The following GRM7 variants were observed in gnomAD, a reference collection of about 807,000 sequenced individuals.
The protein encoded by GRM7 is metabotropic glutamate receptor 7.
A neutral mutation model predicts 84.5 loss-of-function variants in GRM7; 35 were observed. That is an observed-to-expected ratio of 0.41 (90% CI 0.32 to 0.55). The LOEUF is 0.55. GRM7 is among the 20% of genes least tolerant of loss of function. GRM7 has a pLI of 0.19. For synonymous variants in GRM7, 487 were observed against 455.1 expected (o/e 1.07, Z -0.89); for missense variants, 1,003 against 1,194.6 (o/e 0.84, Z 2.36).
chr3:6,892,827 C>T (rs1288729346), intron 1 of GRM7: 1 of 152,166 alleles, frequency 6.6e-6, no homozygotes, highest in East Asian at 1.9e-4. Flanking sequence ...GAGGCTACAT[C>T]ATTCCTCTCT....
chr3:7,565,087 C>G (rs1241368587), intron 7 of GRM7, among the ~76,000 whole-genome samples: 2 of 152,180 alleles, frequency 1.3e-5, no homozygotes, highest in Non-Finnish European at 2.9e-5. Context: ...AAGCTGCAAA[C>G]ATTCATTATA....
chr3:7,484,513 G>T (rs1001331571), intron 7 of GRM7, among the ~76,000 whole-genome samples: 7 of 152,128 alleles, frequency 4.6e-5, no homozygotes, highest in African/African-American at 1.7e-4. Flanking sequence ...TAAGAACCAT[G>T]GAGTAGAAAT....
chr3:6,959,995 A>G (rs140265482), intron 1 of GRM7, among the ~76,000 whole-genome samples: 2 of 152,324 alleles, frequency 1.3e-5, no homozygotes, highest in African/African-American at 4.8e-5. Flanking sequence ...GGTCAGACTA[A>G]TAGAAGATTA....
At chr3:7,461,753 G>C (rs1274162322) in intron 7 of GRM7, 31 bp downstream of exon 7, 1 of 1,603,544 alleles carries the variant, frequency 6.2e-7, no homozygotes, top group Non-Finnish European at 8.5e-7. Context: ...TTCTTCCCTT[G>C]TTGAGATGAA....
intron 4 of GRM7, among the ~76,000 whole-genome samples, chr3:7,354,720 C>T (rs115658962): frequency 0.016 from 2,410 of 152,210 alleles, 55 homozygotes; most frequent in African/African-American, 0.056. Flanking sequence ...TACCACATGG[C>T]GACTCCAATT....
chr3:6,987,935 C>G (rs1207174747), intron 1 of GRM7, among the ~76,000 whole-genome samples: 23 of 151,304 alleles, frequency 1.5e-4, no homozygotes, highest in Admixed American at 1.5e-3. Context: ...GAGCTAGACT[C>G]TCTGCATGAA....
chr3:7,690,797 G>T (rs1700772019), intron 9 of GRM7, among the ~76,000 whole-genome samples: 1 of 152,146 alleles, frequency 6.6e-6, no homozygotes, highest in Non-Finnish European at 1.5e-5. Context: ...CAATCAAATT[G>T]GTGGTTTTCT....
chr3:7,438,872 C>G (rs1028098861), intron 5 of GRM7, among the ~76,000 whole-genome samples: 2 of 151,842 alleles, frequency 1.3e-5, no homozygotes, highest in African/African-American at 4.8e-5. Context: ...TTTATGTGAG[C>G]AAGATATCGG....
intron 4 of GRM7, among the ~76,000 whole-genome samples, chr3:7,361,959 C>T (rs13080594): frequency 0.45 from 67,770 of 151,704 alleles, 15,272 homozygotes; most frequent in East Asian, 0.57. Flanking sequence ...TAATTTCTGC[C>T]GATTCTAAAG....
At chr3:7,171,157 C>A (rs191058938) in intron 2 of GRM7, among the ~76,000 whole-genome samples, 1 of 152,134 alleles carries the variant, frequency 6.6e-6, no homozygotes, top group South Asian at 2.1e-4. Context: ...AAGATGTCTG[C>A]AGAATTGATT....
Position 7,412,552 on chromosome 3 carries a change from G to T in GRM7, c.1034-2471G>T, listed in dbSNP as rs984330207. ...TTGTCTCAGCCACCAATTTCAAGGG[G>T]TGTTTGAGGGCAGCAACCCAGTTAA... On this transcript the variant is annotated intron_variant, in intron 4 of 9. Transcript: ENST00000357716. 2.0e-5 allele frequency among the ~76,000 whole-genome samples: 3 copies of T among 152,148 alleles called. No homozygotes were observed. The East Asian group carries it at 5.8e-4, about 29-fold the overall frequency.
chr3:7,449,552 G>A lies in GRM7; in HGVS notation c.1175-3055G>A, dbSNP rs149666044. ...AATCTGGCACAGAGGGGCTTGCTCT[G>A]TCAGTTATTAAAATATGTTATAAAG... On this transcript the variant is annotated intron_variant, in intron 5 of 9. Coordinates refer to ENST00000357716, the MANE Select transcript of GRM7 (RefSeq NM_000844.4). 6.1e-4 allele frequency among the ~76,000 whole-genome samples: 93 copies of A among 152,216 alleles called. 1 individual carries two copies. Among genetic ancestry groups the A allele is most frequent in the African/African-American group, 2.1e-3 (86 of 41,554 alleles).
chr3:7,052,625 T>G (rs2124957101), intron 1 of GRM7, among the ~76,000 whole-genome samples: 1 of 151,558 alleles, frequency 6.6e-6, no homozygotes, highest in African/African-American at 2.4e-5. Context: ...GCCTTCTCAA[T>G]AAATGGATTC....
At chr3:7,313,287 A>G (rs1445330197) in intron 4 of GRM7, among the ~76,000 whole-genome samples, 2 of 152,122 alleles carry the variant, frequency 1.3e-5, no homozygotes, top group South Asian at 2.1e-4. Context: ...TGCTATAGCC[A>G]TCTTCACAGA....
chr3:7,614,792 AAG>A (rs1251936536), intron 8 of GRM7, among the ~76,000 whole-genome samples: 1 of 152,206 alleles, frequency 6.6e-6, no homozygotes, highest in Non-Finnish European at 1.5e-5. Flanking sequence ...AGTATTTTGA[AAG>A]AGTAATTTAG....
At chr3:7,625,224 G>A (rs1033403753) in intron 8 of GRM7, among the ~76,000 whole-genome samples, 10 of 152,082 alleles carry the variant, frequency 6.6e-5, no homozygotes, top group South Asian at 2.1e-4. Flanking sequence ...CCAGCAATGC[G>A]GTGGTGCATT....
chr3:6,966,764 A>G (rs1239808337), intron 1 of GRM7, among the ~76,000 whole-genome samples: 1 of 152,184 alleles, frequency 6.6e-6, no homozygotes, highest in Non-Finnish European at 1.5e-5. Context: ...AAAACAAAAG[A>G]GTCTCTGTAA....
At chr3:6,947,362 T>C (rs1698127338) in intron 1 of GRM7, among the ~76,000 whole-genome samples, 1 of 152,204 alleles carries the variant, frequency 6.6e-6, no homozygotes, top group African/African-American at 2.4e-5. Flanking sequence ...CGTTTATTGA[T>C]TTTCATACGT....
At chr3:7,499,843 C>T (rs929699715) in intron 7 of GRM7, among the ~76,000 whole-genome samples, 4 of 150,590 alleles carry the variant, frequency 2.7e-5, no homozygotes, top group African/African-American at 9.8e-5. Context: ...GTTTCAATCT[C>T]GGCTCACTGC....
Sources: gnomAD v4.1 joint callset for allele counts (sites outside exome capture counted in the v4.1 genomes callset) on GRCh38, gnomAD v4.1.1 for gene constraint, MANE v1.5 for transcripts, NCBI Gene and HGNC (gene_info 2026-07-23, HGNC 2026-07-21) for gene names.